The following LHX8 variants were observed in gnomAD, a reference collection of about 807,000 sequenced individuals.
LHX8 encodes the protein LIM/homeobox protein Lhx8.
A neutral mutation model predicts 40.3 loss-of-function variants in LHX8; 12 were observed. The observed-to-expected ratio is 0.30, with a 90% CI of 0.19 to 0.48. The LOEUF is 0.48. Ranked by LOEUF, LHX8 falls within the 20% of genes least tolerant of loss-of-function variation. LHX8 has a pLI of 0.99. For missense variants in LHX8, 344 were observed against 433.7 expected (o/e 0.79, Z 1.84); for synonymous variants, 179 against 162.0 (o/e 1.10, Z -0.80).
chr1:75,137,372 G>C, intron 3 of LHX8, 111 bp downstream of exon 3: 1 of 1,067,302 alleles, frequency 9.4e-7, no homozygotes, highest in Non-Finnish European at 1.4e-6. Flanking sequence ...TCTGGGTGAA[G>C]GTTGTAGGCT....
chr1:75,179,103 A>G, the LHX8 span, among the ~76,000 whole-genome samples: 6 of 152,202 alleles, frequency 3.9e-5, no homozygotes, highest in African/African-American at 1.4e-4. Context: ...TATGTGGTCA[A>G]TTTTGGAATA....
chr1:75,148,428 G>T (rs1433936837), intron 6 of LHX8, among the ~76,000 whole-genome samples, 159 bp from the exon 7 acceptor site: 1 of 152,146 alleles, frequency 6.6e-6, no homozygotes, highest in Non-Finnish European at 1.5e-5. Context: ...TACAAAATAT[G>T]CATTCGTTTT....
chr1:75,173,197 T>C, the LHX8 span, among the ~76,000 whole-genome samples: 17,428 of 151,904 alleles, frequency 0.11, 1,632 homozygotes, highest in African/African-American at 0.26. Flanking sequence ...TTGGTATGTG[T>C]CAGGCACTGT....
At chr1:75,130,781 C>T (rs1557482763), upstream of LHX8, 2 of 1,585,012 alleles carry the variant, frequency 1.3e-6, no homozygotes, top group South Asian at 2.2e-5. Context: ...AAGTCTTTTT[C>T]CAGACTAATA....
At chr1:75,139,688 G>A (rs1265901662) in intron 3 of LHX8, among the ~76,000 whole-genome samples, 1 of 152,148 alleles carries the variant, frequency 6.6e-6, no homozygotes, top group Non-Finnish European at 1.5e-5. Context: ...TAGTGAGCAT[G>A]TAAGTTCTAA....
chr1:75,170,774 G>A, the LHX8 span, among the ~76,000 whole-genome samples: 11 of 152,234 alleles, frequency 7.2e-5, no homozygotes, highest in East Asian at 1.9e-4. Flanking sequence ...GCAGCAGATG[G>A]TCAGAGATCA....
At chr1:75,149,561 G>A (rs1648551295) in intron 7 of LHX8, among the ~76,000 whole-genome samples, 1 of 151,980 alleles carries the variant, frequency 6.6e-6, no homozygotes, top group Non-Finnish European at 1.5e-5. Flanking sequence ...AATTCATTTG[G>A]GAAACTTTTT....
chr1:75,132,406 A>C (rs1647997261), upstream of LHX8: 1 of 152,330 alleles, frequency 6.6e-6, no homozygotes, highest in Admixed American at 6.5e-5. Context: ...ACCCCGGGAC[A>C]GGTCAGCATC....
chr1:75,162,022 G>A (rs1295249654), downstream of LHX8, among the ~76,000 whole-genome samples: 1 of 152,050 alleles, frequency 6.6e-6, no homozygotes, highest in African/African-American at 2.4e-5. Flanking sequence ...TTATATGCCA[G>A]TTGGGGAAGA....
chr1:75,187,157 A>T, the LHX8 span, among the ~76,000 whole-genome samples: 1 of 152,202 alleles, frequency 6.6e-6, no homozygotes, highest in Non-Finnish European at 1.5e-5. Flanking sequence ...AGTTGACATG[A>T]AGGTGGCTGA....
chr1:75,180,389 C>A, the LHX8 span, among the ~76,000 whole-genome samples: 1 of 152,162 alleles, frequency 6.6e-6, no homozygotes, highest in Non-Finnish European at 1.5e-5. Flanking sequence ...TTGTTCATTT[C>A]TTTTTACTCT....
chr1:75,166,817 C>T, the LHX8 span, among the ~76,000 whole-genome samples: 2 of 152,150 alleles, frequency 1.3e-5, no homozygotes, highest in Non-Finnish European at 2.9e-5. Flanking sequence ...GGAGAAGGAT[C>T]GGGAAACTTC....
At chr1:75,143,363 G>A in intron 5 of LHX8, 25 bp downstream of exon 5, 1 of 1,534,470 alleles carries the variant, frequency 6.5e-7, no homozygotes, top group East Asian at 2.3e-5. Context: ...AAATACTTTT[G>A]AGTCTTTTGA....
At chr1:75,182,642 G>C in the LHX8 span, among the ~76,000 whole-genome samples, 88 of 152,176 alleles carry the variant, frequency 5.8e-4, 1 homozygote, top group Admixed American at 3.3e-3. Context: ...CAAAGTGCTG[G>C]GATTACAGGC....
At chr1:75,156,381 A>G (rs1648768084) in intron 7 of LHX8, among the ~76,000 whole-genome samples, 1 of 152,070 alleles carries the variant, frequency 6.6e-6, no homozygotes, top group African/African-American at 2.4e-5. Flanking sequence ...AGCTAGGATT[A>G]TAGGTACCAA....
the LHX8 span, among the ~76,000 whole-genome samples, chr1:75,174,821 T>G: frequency 6.6e-6 from 1 of 152,164 alleles, no homozygotes; most frequent in Non-Finnish European, 1.5e-5. Flanking sequence ...TATTTTTTAT[T>G]TCTTAAATTT....
chr1:75,133,179 C>T (rs1419808867), upstream of LHX8: 1 of 152,192 alleles, frequency 6.6e-6, no homozygotes, highest in African/African-American at 2.4e-5. Context: ...TTGTGCGCAG[C>T]TGCGCGAAAA....
chr1:75,173,740 A>C, the LHX8 span, among the ~76,000 whole-genome samples: 1 of 152,172 alleles, frequency 6.6e-6, no homozygotes, highest in African/African-American at 2.4e-5. Context: ...AGGTGTAAGC[A>C]AGAAACCATC....
upstream of LHX8, chr1:75,130,466 G>T (rs1647932931): frequency 3.5e-6 from 2 of 576,826 alleles, no homozygotes; most frequent in South Asian, 2.2e-5. Flanking sequence ...GTGGATTCCC[G>T]GGTGTCCCGC....
Sources: allele counts gnomAD v4.1 joint callset (sites outside exome capture counted in the v4.1 genomes callset), GRCh38; gene constraint gnomAD v4.1.1; transcripts MANE v1.5; gene names NCBI Gene and HGNC (gene_info 2026-07-23, HGNC 2026-07-21).